The following RPS6KA5 variants were observed in gnomAD, a reference collection of about 807,000 sequenced individuals.
RPS6KA5 encodes the protein ribosomal protein S6 kinase A5.
RPS6KA5 carries 27 observed loss-of-function variants against 85.5 expected under a neutral mutation model. The observed-to-expected ratio is 0.32, with a 90% CI of 0.23 to 0.44. RPS6KA5 has a LOEUF of 0.44. RPS6KA5 is among the 20% of genes least tolerant of loss of function. The pLI is 1.00. For missense variants in RPS6KA5, 811 were observed against 980.9 expected (o/e 0.83, Z 2.31); for synonymous variants, 334 against 348.2 (o/e 0.96, Z 0.46).
At chr14:90,876,087 C>T (rs1175370521) in intron 14 of RPS6KA5, among the ~76,000 whole-genome samples, 1 of 151,940 alleles carries the variant, frequency 6.6e-6, no homozygotes, top group Non-Finnish European at 1.5e-5. Flanking sequence ...ATCACTGAGG[C>T]AGTGAATACA....
Position 90,894,389 on chromosome 14 carries a change from G to T in RPS6KA5, c.1644+24C>A, listed in dbSNP as rs200539689. On this transcript the variant is annotated intron_variant, in intron 13 of 16. Transcript: ENST00000614987. ...TAATAATGGTGCTAGACTGAATTAC[G>T]TAAGAGATCCAGTGATTTTATACCT... 17 of 1,609,008 alleles carry T rather than the reference G, an allele frequency of 1.1e-5. 1 individual carries two copies. The African/African-American group carries it at 1.3e-4, about 13-fold the overall frequency.
chr14:91,033,056 G>T (rs999090840), intron 1 of RPS6KA5, among the ~76,000 whole-genome samples: 1 of 151,808 alleles, frequency 6.6e-6, no homozygotes, highest in African/African-American at 2.4e-5. Flanking sequence ...ACGTGGTGGT[G>T]GGCATCTGTA....
chr14:91,006,179 T>C (rs754272825), intron 1 of RPS6KA5, among the ~76,000 whole-genome samples: 1 of 152,136 alleles, frequency 6.6e-6, no homozygotes, highest in Non-Finnish European at 1.5e-5. Context: ...AATTAATAGG[T>C]AGACTCACTG....
intron 1 of RPS6KA5, among the ~76,000 whole-genome samples, chr14:91,040,436 A>T (rs2042565176): frequency 2.6e-5 from 4 of 152,290 alleles, no homozygotes; most frequent in Admixed American, 2.6e-4. Flanking sequence ...GAATTAAATT[A>T]AAAAATAAAA....
Position 90,913,620 on chromosome 14 carries a change from T to A in RPS6KA5, c.806+6586A>T, listed in dbSNP as rs115369338. Among the ~76,000 whole-genome samples the A allele has an allele frequency of 9.7e-3, 1,472 of 152,334 alleles. 10 individuals are homozygous for A. The highest frequency in any genetic ancestry group is 0.034 in the South Asian group (164 of 4,830). On this transcript the variant is annotated intron_variant, in intron 7 of 16. Transcript: ENST00000614987. ...AATAAGATTTAAAAGTTACTTAGTATGACTTTTATCGCCAGACCTCTTCCT... is the reference window on the plus strand; with the variant it reads ...AATAAGATTTAAAAGTTACTTAGTAAGACTTTTATCGCCAGACCTCTTCCT...
intron 5 of RPS6KA5, among the ~76,000 whole-genome samples, chr14:90,934,236 GAATT>G (rs2037144831): frequency 1.3e-5 from 2 of 152,056 alleles, no homozygotes; most frequent in Admixed American, 1.3e-4. Context: ...AATATTCACT[GAATT>G]AATGGAAAAA....
chr14:90,943,248 T>G, intron 4 of RPS6KA5, 63 bp from the exon 5 acceptor site: 1 of 904,134 alleles, frequency 1.1e-6, no homozygotes, highest in Non-Finnish European at 1.7e-6. Context: ...AGGGCAGTCT[T>G]TCTCGTCTAC....
At chr14:90,926,639 G>T (rs1173856101) in intron 5 of RPS6KA5, among the ~76,000 whole-genome samples, 2 of 146,330 alleles carry the variant, frequency 1.4e-5, no homozygotes, top group Admixed American at 6.8e-5. Context: ...ACATATATAT[G>T]TATGTGTATA....
At position 90,906,353 on chromosome 14, in the gene RPS6KA5, A is replaced by AG; in HGVS notation, c.807-55_807-54insC. 5 of 1,448,722 alleles carry AG rather than the reference A, an allele frequency of 3.5e-6. No individual in the cohort carries two copies. In the South Asian group the frequency reaches 6.9e-5, roughly 20 times the overall value. 89.7% of individuals were successfully genotyped at this position (1,448,722 alleles called of 1,614,324 possible). A position where few individuals can be genotyped will look rare whatever the true frequency, so the allele number is the denominator to read the frequency against. The stretch of plus-strand genomic sequence containing the variant: ...ACAAACAGGATGACAAAAAAAAAAA[A>AG]AAGCATGGTGAAATACACTTTGAAA... On this transcript the variant is annotated intron_variant, in intron 7 of 16. Transcript: ENST00000614987.
chr14:90,988,989 G>A (rs1033104705), intron 2 of RPS6KA5, among the ~76,000 whole-genome samples: 2 of 151,952 alleles, frequency 1.3e-5, no homozygotes, highest in African/African-American at 4.8e-5. Context: ...TATCACTTTA[G>A]TTGAAATTAC....
chr14:90,980,033 A>G (rs1262750966), intron 2 of RPS6KA5, among the ~76,000 whole-genome samples: 2 of 152,240 alleles, frequency 1.3e-5, no homozygotes, highest in Non-Finnish European at 2.9e-5. Flanking sequence ...AAGTTCACAA[A>G]GGTTTGTGTA....
intron 2 of RPS6KA5, among the ~76,000 whole-genome samples, chr14:90,983,998 C>T (rs1464543087): frequency 6.6e-6 from 1 of 152,134 alleles, no homozygotes; most frequent in East Asian, 1.9e-4. Flanking sequence ...GTGCCCACGA[C>T]CACACCCAGC....
intron 1 of RPS6KA5, among the ~76,000 whole-genome samples, chr14:91,006,858 C>T (rs1310899525): frequency 2.0e-5 from 3 of 152,134 alleles, no homozygotes; most frequent in African/African-American, 4.8e-5. Flanking sequence ...CATGAGCCAC[C>T]GCACCCGGCC....
intron 15 of RPS6KA5, 49 bp from the exon 16 acceptor site, chr14:90,873,844 T>C: frequency 6.5e-7 from 1 of 1,527,434 alleles, no homozygotes; most frequent in Non-Finnish European, 9.0e-7. Context: ...TTAAACATGG[T>C]TTAAAAACAA....
chr14:90,911,974 T>C (rs1203742983), intron 7 of RPS6KA5, among the ~76,000 whole-genome samples: 1 of 152,082 alleles, frequency 6.6e-6, no homozygotes, highest in Non-Finnish European at 1.5e-5. Context: ...GAACCTCCCA[T>C]GTGCCACTGG....
intron 1 of RPS6KA5, among the ~76,000 whole-genome samples, chr14:91,042,262 G>A (rs1427904565): frequency 1.3e-5 from 2 of 152,108 alleles, no homozygotes; most frequent in Non-Finnish European, 2.9e-5. Context: ...TGTTATCCCA[G>A]CACTTTGGGA....
intron 1 of RPS6KA5, among the ~76,000 whole-genome samples, chr14:91,055,997 T>G (rs886705521): frequency 2.6e-5 from 4 of 152,098 alleles, no homozygotes; most frequent in African/African-American, 9.7e-5. Context: ...GGCCAACACC[T>G]TGACTTCAAC....
At chr14:91,043,834 C>T (rs1175617437) in intron 1 of RPS6KA5, among the ~76,000 whole-genome samples, 1 of 152,148 alleles carries the variant, frequency 6.6e-6, no homozygotes, top group African/African-American at 2.4e-5. Flanking sequence ...ATAATCTCCT[C>T]CCCTTGAGTG....
Position 90,868,745 on chromosome 14 carries a change from T to C in RPS6KA5, c.*3329A>G. 1 of 152,202 alleles carries C rather than the reference T, an allele frequency of 6.6e-6. No homozygotes were observed. Among genetic ancestry groups the C allele is most frequent in the East Asian group, 1.9e-4 (1 of 5,202 alleles). The allele number at this position is 152,202 out of a possible 1,614,324, so 9.4% of individuals were successfully genotyped here. A position where few individuals can be genotyped will look rare whatever the true frequency, so the allele number is the denominator to read the frequency against. ...AATAAGTATCCAGTCAATTGTATACTTTTATAAAGTAGTGTATTTGAGAAC... is the reference window on the plus strand; with the variant it reads ...AATAAGTATCCAGTCAATTGTATACCTTTATAAAGTAGTGTATTTGAGAAC... On this transcript the variant is annotated 3_prime_UTR_variant, in exon 17 of 17. Coordinates refer to ENST00000614987, the MANE Select transcript of RPS6KA5 (RefSeq NM_004755.4).
Sources: gnomAD v4.1 joint callset for allele counts (sites outside exome capture counted in the v4.1 genomes callset) on GRCh38, gnomAD v4.1.1 for gene constraint, MANE v1.5 for transcripts, NCBI Gene and HGNC (gene_info 2026-07-23, HGNC 2026-07-21) for gene names.